KLHL14: variants seen among roughly 807,000 people sequenced by gnomAD.
KLHL14 encodes the protein kelch like family member 14.
A neutral mutation model predicts 64.3 loss-of-function variants in KLHL14; 22 were observed. The ratio of observed to expected loss-of-function variants is 0.34; its 90% CI spans 0.24 to 0.49. The LOEUF (loss-of-function observed/expected upper bound fraction) is 0.49, where lower values mean the gene tolerates loss of function less well. Ranked by LOEUF, KLHL14 falls within the 20% of genes least tolerant of loss-of-function variation. The pLI is 0.99. For synonymous variants in KLHL14, 322 were observed against 333.4 expected, an observed-to-expected ratio of 0.97 and a Z score of 0.37; for missense variants, 661 against 789.0, an observed-to-expected ratio of 0.84 and a Z score of 1.94.
chr18:32,738,931 G>A (rs928154783), intron 3 of KLHL14, among the ~76,000 whole-genome samples: 2 of 152,116 alleles, frequency 1.3e-5, no homozygotes, highest in African/African-American at 2.4e-5. Context: ...TGTGATATAA[G>A]GTGTGTAAAT....
At chr18:32,681,710 G>A (rs2049839670) in intron 5 of KLHL14, among the ~76,000 whole-genome samples, 1 of 152,134 alleles carries the variant, frequency 6.6e-6, no homozygotes, top group South Asian at 2.1e-4. Context: ...AATAGATGCC[G>A]AGATTCTTGT....
At position 32,680,634 on chromosome 18, in the gene KLHL14, G is replaced by A. The variant is rs1404014928; in HGVS notation, c.1239-35C>T. The A allele has an allele frequency of 6.4e-7, 1 of 1,555,668 alleles. No individual in the cohort carries two copies. The highest frequency in any genetic ancestry group is 8.7e-7 in the Non-Finnish European group (1 of 1,148,086). On this transcript the variant is annotated intron_variant, in intron 5 of 8. Coordinates refer to ENST00000359358, the MANE Select transcript of KLHL14 (RefSeq NM_020805.3). The surrounding 1 kb of genome is among the most constrained non-coding windows in gnomAD (Gnocchi z 4.8). Reference sequence around the variant, plus strand: ...AAAGAACCCACAGTAAATCACAAGAGGAGCTGTGAAATGTTACCTTTCGAA... The same window carrying A: ...AAAGAACCCACAGTAAATCACAAGAAGAGCTGTGAAATGTTACCTTTCGAA...
chr18:32,766,307 T>C (rs1379184192), intron 2 of KLHL14, among the ~76,000 whole-genome samples: 2 of 152,132 alleles, frequency 1.3e-5, no homozygotes, highest in Non-Finnish European at 2.9e-5. Context: ...CTATTTGGGT[T>C]ACTTAAGCTA....
chr18:32,695,772 A>G (rs1384350307), intron 3 of KLHL14, among the ~76,000 whole-genome samples: 1 of 152,030 alleles, frequency 6.6e-6, no homozygotes, highest in African/African-American at 2.4e-5. Context: ...ACCCCTTTTG[A>G]CTAATTTTAC....
At chr18:32,745,739 C>T (rs778761687) in intron 2 of KLHL14, among the ~76,000 whole-genome samples, 12 of 152,088 alleles carry the variant, frequency 7.9e-5, no homozygotes. Context: ...TTACAATGTG[C>T]AATTATAATA....
chr18:32,729,854 A>G (rs368456816), intron 3 of KLHL14, among the ~76,000 whole-genome samples: 170 of 152,340 alleles, frequency 1.1e-3, no homozygotes, highest in African/African-American at 3.8e-3. Flanking sequence ...CTACACCTAG[A>G]AAATGCCAAT....
chr18:32,762,385 T>A (rs1568085437), intron 2 of KLHL14, among the ~76,000 whole-genome samples: 2 of 152,126 alleles, frequency 1.3e-5, no homozygotes, highest in Non-Finnish European at 2.9e-5. Context: ...TTGCCCATCT[T>A]CTTTTTCTTC....
In KLHL14 at chr18:32,687,213, C is replaced by G; in HGVS notation, c.1180G>C (p.Val394Leu). The G allele has an allele frequency of 6.2e-7, 1 of 1,613,750 alleles. No homozygotes were observed. Among genetic ancestry groups the G allele is most frequent in the South Asian group, 1.1e-5 (1 of 91,062 alleles). Residue 394 changes from valine (V) to leucine (L), a missense_variant, in exon 5 of 9, where the codon GTC (valine) becomes CTC (leucine). Val to Leu is a conservative substitution (Grantham distance 32, BLOSUM62 1). Coordinates refer to ENST00000359358, the MANE Select transcript of KLHL14 (RefSeq NM_020805.3). Reference sequence around the variant, plus strand: ...TTAAATCGAGGATCATATCGGCTGACAAAATTTGTACTGTGTTTTCCTGTA... The same window carrying G: ...TTAAATCGAGGATCATATCGGCTGAGAAAATTTGTACTGTGTTTTCCTGTA... ...NPNGKHSTNF[V>L]SRYDPRFNSW...
In KLHL14 at chr18:32,673,698, A is replaced by G. The variant is rs1198662055; in HGVS notation, c.*959T>C. 6.6e-6 allele frequency: 1 copy of G among 152,144 alleles called. No homozygotes were observed. The highest frequency in any genetic ancestry group is 1.5e-5 in the Non-Finnish European group (1 of 68,034). The allele number at this position is 152,144 out of a possible 1,614,324, so 9.4% of individuals were successfully genotyped here. A position where few individuals can be genotyped will look rare whatever the true frequency, so the allele number is the denominator to read the frequency against. On this transcript the variant is annotated 3_prime_UTR_variant, in exon 9 of 9. Coordinates refer to ENST00000359358, the MANE Select transcript of KLHL14 (RefSeq NM_020805.3). ...GTTTTAGAAACAGAAAGACAACTGG[A>G]ATTCTACTTAATGGAAATTATTCTT... is the stretch of plus-strand genomic sequence containing the variant.
Position 32,770,555 on chromosome 18 carries a change from G to T in KLHL14, c.37C>A (p.Pro13Thr). Residue 13 changes from proline to threonine, a missense_variant, in exon 2 of 9, where the codon CCC (proline) becomes ACC (threonine). Physicochemically the swap from Pro to Thr is conservative, Grantham distance 38. Coordinates refer to ENST00000359358, the MANE Select transcript of KLHL14 (RefSeq NM_020805.3). The surrounding 1 kb of genome is among the most constrained non-coding windows in gnomAD (Gnocchi z 6.7). ...TGCAGCAGGTTGTCGCTGTGGCTGGGGTCGAAGGTGGAGGTCCTGTCCCCG... is the reference window on the plus strand; with the variant it reads ...TGCAGCAGGTTGTCGCTGTGGCTGGTGTCGAAGGTGGAGGTCCTGTCCCCG... ...RSGDRTSTFD[P>T]SHSDNLLHGL... 6.3e-7 allele frequency: 1 copy of T among 1,597,416 alleles called. No homozygotes were observed. Among genetic ancestry groups the T allele is most frequent in the Non-Finnish European group, 8.5e-7 (1 of 1,175,898 alleles).
chr18:32,760,253 TAAAA>T (rs960744895), intron 2 of KLHL14, among the ~76,000 whole-genome samples: 1 of 151,744 alleles, frequency 6.6e-6, no homozygotes, highest in African/African-American at 2.4e-5. Context: ...CTTTATCTGA[TAAAA>T]AAACACATCT....
chr18:32,741,503 G>A (rs891965683), intron 3 of KLHL14, among the ~76,000 whole-genome samples: 3 of 152,168 alleles, frequency 2.0e-5, no homozygotes, highest in African/African-American at 7.2e-5. Flanking sequence ...GAGCAAAAAT[G>A]CCTAAAAAGC....
rs116685314 is a variant in KLHL14, at chr18:32,709,366, A to G, written c.1070-13814T>C. 3.0e-3 allele frequency among the ~76,000 whole-genome samples: 459 copies of G among 152,294 alleles called. 4 individuals are homozygous for G. The highest frequency in any genetic ancestry group is 0.011 in the African/African-American group (448 of 41,554). On this transcript the variant is annotated intron_variant, in intron 3 of 8. Transcript: ENST00000359358. ...TGCTGGAAGAGAGACCTTTCCTGAC[A>G]GTGCCATTTAGAAAGCCCTTCCCTA...
At position 32,750,384 on chromosome 18, in the gene KLHL14, T is replaced by C. The variant is rs187868695; in HGVS notation, c.948-8335A>G. Among the ~76,000 whole-genome samples, 79 of 152,296 alleles carry C rather than the reference T, an allele frequency of 5.2e-4. 1 individual carries two copies. The highest frequency in any genetic ancestry group is 1.0e-3 in the South Asian group (5 of 4,826). ...TGATAAGTGATAGCGATTATTATTA[T>C]GTGTAATTATTAACTTTACAAAGTA... On this transcript the variant is annotated intron_variant, in intron 2 of 8. Transcript: ENST00000359358.
chr18:32,674,796 C>T lies in KLHL14; in HGVS notation c.1748G>A (p.Gly583Glu). Reference sequence around the variant, plus strand: ...GCATATTGTAGATGACTTGTAGGCCCCCTGTAATGACAGAGGAGGGAGCAT... The same window carrying T: ...GCATATTGTAGATGACTTGTAGGCCTCCTGTAATGACAGAGGAGGGAGCAT... ...YLVGGYSWSM[G>E]AYKSSTICYC... The change falls in exon 9 of 9, where the codon GGG becomes GAG. Residue 583 changes from glycine to glutamate, a missense_variant and splice_region_variant. Gly to Glu is a moderately conservative substitution (Grantham distance 98). Coordinates refer to ENST00000359358, the MANE Select transcript of KLHL14 (RefSeq NM_020805.3). 1.3e-6 allele frequency: 1 copy of T among 780,312 alleles called. No individual in the cohort carries two copies. Among genetic ancestry groups the T allele is most frequent in the Non-Finnish European group, 2.4e-6 (1 of 417,668 alleles). The allele number at this position is 780,312 out of a possible 1,614,324, so 48.3% of individuals were successfully genotyped here.
At chr18:32,716,262 A>G (rs992852295) in intron 3 of KLHL14, among the ~76,000 whole-genome samples, 1 of 152,070 alleles carries the variant, frequency 6.6e-6, no homozygotes, top group Non-Finnish European at 1.5e-5. Flanking sequence ...TCTTTTTGTT[A>G]TTTAATTCTT....
At chr18:32,702,707 C>T (rs16963711) in intron 3 of KLHL14, among the ~76,000 whole-genome samples, 4,617 of 151,940 alleles carry the variant, frequency 0.03, 170 homozygotes, top group African/African-American at 0.083. Flanking sequence ...TTTATCATTA[C>T]GGACAGTTAG....
chr18:32,722,083 C>T lies in KLHL14; in HGVS notation c.1069+19845G>A, dbSNP rs979914684. ...TATAAAAGGGAAGTTCCCCTGCACACGCCCTCTTGCCTGCTGCCATATAAA... is the reference window on the plus strand; with the variant it reads ...TATAAAAGGGAAGTTCCCCTGCACATGCCCTCTTGCCTGCTGCCATATAAA... On this transcript the variant is annotated intron_variant, in intron 3 of 8. Coordinates refer to ENST00000359358, the MANE Select transcript of KLHL14 (RefSeq NM_020805.3). 9.8e-5 allele frequency among the ~76,000 whole-genome samples: 15 copies of T among 152,308 alleles called. No homozygotes were observed. In the East Asian group the frequency reaches 2.9e-3, roughly 29 times the overall value.
Position 32,770,345 on chromosome 18 carries a change from C to A in KLHL14, c.247G>T (p.Asp83Tyr). 6.3e-7 allele frequency: 1 copy of A among 1,584,264 alleles called. No homozygotes were observed. The highest frequency in any genetic ancestry group is 1.2e-5 in the South Asian group (1 of 85,768). ...GGQDGLGAPK[D>Y]QQQPPQQQPS... ...TGCTGCTGCGGCGGCTGCTGCTGGT[C>A]CTTGGGGGCCCCCAGGCCGTCCTGG... The change falls in exon 2 of 9, where the codon GAC becomes TAC. Residue 83 changes from aspartate to tyrosine, a missense_variant. Asp to Tyr is a radical substitution (Grantham distance 160). Coordinates refer to ENST00000359358, the MANE Select transcript of KLHL14 (RefSeq NM_020805.3). The surrounding 1 kb of genome is among the most constrained non-coding windows in gnomAD (Gnocchi z 6.7).
Sources: allele counts gnomAD v4.1 joint callset (sites outside exome capture counted in the v4.1 genomes callset), GRCh38; gene constraint gnomAD v4.1.1; non-coding constraint Gnocchi (gnomAD v3.1); transcripts MANE v1.5; gene names NCBI Gene and HGNC (gene_info 2026-07-23, HGNC 2026-07-21).